Variants in ALG11 observed in about 807,000 individuals in gnomAD.
The protein encoded by ALG11 is GDP-Man:Man(3)GlcNAc(2)-PP-Dol alpha-1,2-mannosyltransferase.
In ALG11, 26 loss-of-function variants were observed where a neutral mutation model predicts 38.8. The ratio of observed to expected loss-of-function variants is 0.67; its 90% confidence interval spans 0.49 to 0.93. The LOEUF is 0.93. ALG11 is among the 40% of genes least tolerant of loss of function. ALG11 has a pLI of 0.00. For synonymous variants in ALG11, 199 were observed against 211.6 expected, an observed-to-expected ratio of 0.94 and a Z score of 0.52; for missense variants, 535 against 578.8, an observed-to-expected ratio of 0.92 and a Z score of 0.78.
chr13:52,013,580 G>GA (rs1354391269), intron 1 of ALG11, among the ~76,000 whole-genome samples: 1 of 152,216 alleles, frequency 6.6e-6, no homozygotes, highest in Non-Finnish European at 1.5e-5. Flanking sequence ...CTTGTCACAT[G>GA]AATTTTCCCA....
intron 1 of ALG11, among the ~76,000 whole-genome samples, chr13:52,015,608 TAGTG>T (rs1013684173): frequency 5.3e-5 from 8 of 152,134 alleles, no homozygotes; most frequent in South Asian, 2.1e-4. Flanking sequence ...ATTCTCGTGA[TAGTG>T]AGTAAGTTCA....
At chr13:52,025,559 C>T (rs1405096368) in intron 3 of ALG11, among the ~76,000 whole-genome samples, 1 of 152,210 alleles carries the variant, frequency 6.6e-6, no homozygotes, top group African/African-American at 2.4e-5. Flanking sequence ...ATTGATTCTA[C>T]CCTCACCATT....
chr13:52,024,619 A>G lies in ALG11; in HGVS notation c.889A>G (p.Met297Val), dbSNP rs1378833788. 2.5e-6 allele frequency: 4 copies of G among 1,613,854 alleles called. No homozygotes were observed. Among genetic ancestry groups the G allele is most frequent in the South Asian group, 1.1e-5 (1 of 91,058 alleles). ...FLDIPLHEKK[M>V]TPGHLLVSVG... is the part of the protein sequence containing the mutation. ...GGACATTCCCTTACATGAGAAAAAGATGACCCCAGGACATTTGCTGGTTTC... is the reference window on the plus strand; with the variant it reads ...GGACATTCCCTTACATGAGAAAAAGGTGACCCCAGGACATTTGCTGGTTTC... The change falls in exon 3 of 4, where the codon ATG becomes GTG. Residue 297 changes from methionine (M) to valine (V), a missense_variant. Met to Val is a conservative substitution (Grantham distance 21). Coordinates refer to ENST00000521508, the MANE Select transcript of ALG11 (RefSeq NM_001004127.3).
At position 52,032,230 on chromosome 13, in the gene ALG11, A is replaced by T. The variant is rs1283701632; in HGVS notation, c.*3640A>T. 6.2e-6 allele frequency: 1 copy of T among 162,560 alleles called. No individual in the cohort carries two copies. The highest frequency in any genetic ancestry group is 1.5e-5 in the Non-Finnish European group (1 of 68,134). 10.1% of individuals were successfully genotyped at this position (162,560 alleles called of 1,614,324 possible). A position where few individuals can be genotyped will look rare whatever the true frequency, so the allele number is the denominator to read the frequency against. On this transcript the variant is annotated 3_prime_UTR_variant, in exon 4 of 4. Coordinates refer to ENST00000521508, the MANE Select transcript of ALG11 (RefSeq NM_001004127.3). Reference sequence around the variant, plus strand: ...AGCAAAACTCCATCTCAAAAAAGAAAAAAAGGAAAAAGAAAATTATGAGAG... The same window carrying T: ...AGCAAAACTCCATCTCAAAAAAGAATAAAAGGAAAAAGAAAATTATGAGAG...
At position 52,029,254 on chromosome 13, in the gene ALG11, C is replaced by T; in HGVS notation, c.*664C>T. ...AATGGGACCCTATCATCCTGAAGAA[C>T]CAGCAGGCAGAGCAGCTGGTTTTTC... On this transcript the variant is annotated 3_prime_UTR_variant, in exon 4 of 4. Transcript: ENST00000521508. The T allele has an allele frequency of 6.2e-7, 1 of 1,614,192 alleles. No individual in the cohort carries two copies. Among genetic ancestry groups the T allele is most frequent in the Non-Finnish European group, 8.5e-7 (1 of 1,180,032 alleles).
chr13:52,016,835 A>G (rs1954138261), intron 1 of ALG11: 2 of 152,270 alleles, frequency 1.3e-5, no homozygotes, highest in Admixed American at 1.3e-4. Context: ...CAGAGTCCCT[A>G]CTGGGGCACT....
rs201560109 is a variant in ALG11, at chr13:52,012,428, G to A, written c.10G>A (p.Gly4Ser). 1.1e-4 allele frequency: 174 copies of A among 1,614,194 alleles called. No individual in the cohort carries two copies. Among genetic ancestry groups the A allele is most frequent in the Non-Finnish European group, 7.8e-5 (92 of 1,180,054 alleles). Reference sequence around the variant, plus strand: ...CGGGGGTCGGCGGAAGATGGCGGCCGGCGAAAGGAGCTGGTGCCTGTGCAA... The same window carrying A: ...CGGGGGTCGGCGGAAGATGGCGGCCAGCGAAAGGAGCTGGTGCCTGTGCAA... Reference protein sequence around the residue: MAAGERSWCLCKLL... With the variant: MAASERSWCLCKLL... Residue 4 changes from glycine to serine, a missense_variant, in exon 1 of 4, where the codon GGC (glycine) becomes AGC (serine). Gly to Ser is a moderately conservative substitution (Grantham distance 56, BLOSUM62 0). Coordinates refer to ENST00000521508, the MANE Select transcript of ALG11 (RefSeq NM_001004127.3).
chr13:52,017,604 GT>G, intron 1 of ALG11: 1 of 185,764 alleles, frequency 5.4e-6, no homozygotes, highest in African/African-American at 2.4e-5. Context: ...CTGCTTCCTC[GT>G]TTTTCTCTTG....
rs765432044 is a variant in ALG11 at position 52,024,582 on chromosome 13, G to A, written c.852G>A (p.Val284=). The part of the protein sequence containing the change: ...CTNIVYPPCD[V]QTFLDIPLHE... The stretch of plus-strand genomic sequence containing the variant: ...ACATTGTTTATCCACCTTGTGATGT[G>A]CAGACATTTCTGGACATTCCCTTAC... The change falls in exon 3 of 4, where the codon GTG becomes GTA. Residue 284 remains valine, a synonymous_variant. Coordinates refer to ENST00000521508, the MANE Select transcript of ALG11 (RefSeq NM_001004127.3). The A allele has an allele frequency of 1.1e-5, 18 of 1,613,994 alleles. No homozygotes were observed. The highest frequency in any genetic ancestry group is 3.4e-6 in the Non-Finnish European group (4 of 1,180,000).
At chr13:52,027,846 C>G (rs968138188) in intron 3 of ALG11, among the ~76,000 whole-genome samples, 2 of 152,090 alleles carry the variant, frequency 1.3e-5, no homozygotes, top group African/African-American at 4.8e-5. Flanking sequence ...TTTTGTTTTT[C>G]TAATACCTGT....
chr13:52,019,137 A>G lies in ALG11; in HGVS notation c.269A>G (p.Gln90Arg), dbSNP rs1329329946. 1.9e-6 allele frequency: 3 copies of G among 1,612,788 alleles called. No individual in the cohort carries two copies. The Admixed American group carries it at 5.0e-5, about 27-fold the overall frequency. The change falls in exon 2 of 4, where the codon CAG (glutamine) becomes CGG (arginine). Residue 90 changes from glutamine to arginine, a missense_variant. Physicochemically the swap from Gln to Arg is conservative, Grantham distance 43. Coordinates refer to ENST00000521508, the MANE Select transcript of ALG11 (RefSeq NM_001004127.3). ...TTATGGTGTGCTTTAAGAGCCCTGC[A>G]GAAAAAGTAGGTATCCATCTTTCTT... ...RVLWCALRALQKKYPEAVYVV... is the reference protein window; with the variant it reads ...RVLWCALRALRKKYPEAVYVV...
chr13:52,014,594 G>A (rs1190293199), intron 1 of ALG11, among the ~76,000 whole-genome samples: 1 of 151,690 alleles, frequency 6.6e-6, no homozygotes, highest in Non-Finnish European at 1.5e-5. Context: ...GAGTGCAGTG[G>A]CATGATCATA....
At position 52,030,331 on chromosome 13, in the gene ALG11, G is replaced by A. The variant is rs551277224; in HGVS notation, c.*1741G>A. On this transcript the variant is annotated 3_prime_UTR_variant, in exon 4 of 4. Coordinates refer to ENST00000521508, the MANE Select transcript of ALG11 (RefSeq NM_001004127.3). The stretch of plus-strand genomic sequence containing the variant: ...AGAGGTCAGAGAGAGTACAAACTCT[G>A]GAAGAGCTAGAAGAGCTGGGAAAAG... 163 of 1,614,214 alleles carry A rather than the reference G, an allele frequency of 1.0e-4. No individual in the cohort carries two copies. The South Asian group carries it at 1.5e-3, about 15-fold the overall frequency.
chr13:52,024,972 A>G lies in ALG11; in HGVS notation c.1207+35A>G, dbSNP rs771935137. 4.5e-6 allele frequency: 7 copies of G among 1,572,558 alleles called. No individual in the cohort carries two copies. In the East Asian group the frequency reaches 8.9e-5, roughly 20 times the overall value. ...GCCTTTAAACAACTTGTTTGGTGCC[A>G]TGAGATACACATTTTAAGTTCTTTT... On this transcript the variant is annotated intron_variant, in intron 3 of 3. Transcript: ENST00000521508.
At chr13:52,026,593 G>A (rs1269335585) in intron 3 of ALG11, among the ~76,000 whole-genome samples, 1 of 152,194 alleles carries the variant, frequency 6.6e-6, no homozygotes, top group African/African-American at 2.4e-5. Context: ...AGGACTTGGT[G>A]ATTAACTGGA....
chr13:52,024,593 T>A lies in ALG11; in HGVS notation c.863T>A (p.Leu288Gln). 1 of 1,614,142 alleles carries A rather than the reference T, an allele frequency of 6.2e-7. No individual in the cohort carries two copies. The highest frequency in any genetic ancestry group is 8.5e-7 in the Non-Finnish European group (1 of 1,179,996). The change falls in exon 3 of 4, where the codon CTG becomes CAG. Residue 288 changes from leucine to glutamine, a missense_variant. Transcript: ENST00000521508. ...VYPPCDVQTF[L>Q]DIPLHEKKMT... is the part of the protein sequence containing the mutation. ...CCACCTTGTGATGTGCAGACATTTC[T>A]GGACATTCCCTTACATGAGAAAAAG...
In ALG11 at chr13:52,029,161, TAAC is replaced by T. The variant is rs1449376055; in HGVS notation, c.*574_*576del. ...CAAAGAAGGTGGTGGAGTTACCTCTTAACAAAGAAAAAATTGAACAGATCCACA... is the reference window on the plus strand; with the variant it reads ...CAAAGAAGGTGGTGGAGTTACCTCTTAAAGAAAAAATTGAACAGATCCACA... On this transcript the variant is annotated 3_prime_UTR_variant, in exon 4 of 4. Transcript: ENST00000521508. 3.7e-6 allele frequency: 6 copies of T among 1,613,998 alleles called. No individual in the cohort carries two copies. Among genetic ancestry groups the T allele is most frequent in the Admixed American group, 3.3e-5 (2 of 59,998 alleles).
Position 52,028,833 on chromosome 13 carries a change from T to G in ALG11, c.*243T>G. 6.2e-7 allele frequency: 1 copy of G among 1,614,244 alleles called. No individual in the cohort carries two copies. The highest frequency in any genetic ancestry group is 8.5e-7 in the Non-Finnish European group (1 of 1,180,048). ...AATGTGAACCAGGTTGCAGAGAATC[T>G]GGCTTTGAGCCACCAGGAAGAACTA... On this transcript the variant is annotated 3_prime_UTR_variant, in exon 4 of 4. Transcript: ENST00000521508.
At chr13:52,026,095 G>A (rs1954237802) in intron 3 of ALG11, among the ~76,000 whole-genome samples, 1 of 152,240 alleles carries the variant, frequency 6.6e-6, no homozygotes, top group Non-Finnish European at 1.5e-5. Context: ...GCCGTGCTGT[G>A]CCGTGTGCCA....
Sources: gnomAD v4.1 joint callset for allele counts (sites outside exome capture counted in the v4.1 genomes callset) on GRCh38, gnomAD v4.1.1 for gene constraint, MANE v1.5 for transcripts, NCBI Gene and HGNC (gene_info 2026-07-23, HGNC 2026-07-21) for gene names.